Variants in CATSPER3 observed in about 807,000 individuals in gnomAD.
The protein encoded by CATSPER3 is cation channel sperm-associated protein 3.
In CATSPER3, 23 loss-of-function variants were observed where a neutral mutation model predicts 36.6. The observed-to-expected ratio is 0.63, with a 90% confidence interval of 0.45 to 0.89. The LOEUF (loss-of-function observed/expected upper bound fraction) is 0.89, where lower values mean the gene tolerates loss of function less well. CATSPER3 is among the 40% of genes least tolerant of loss of function. The pLI is 0.00. For missense variants in CATSPER3, 474 were observed against 503.9 expected (o/e 0.94, Z 0.57); for synonymous variants, 172 against 184.1 (o/e 0.93, Z 0.53).
intron 3 of CATSPER3, among the ~76,000 whole-genome samples, chr5:135,005,782 A>G (rs1030658539): frequency 6.9e-6 from 1 of 144,824 alleles, no homozygotes; most frequent in Non-Finnish European, 1.5e-5. Context: ...TCAGCATTTC[A>G]GCCGGAAGCA....
intron 1 of CATSPER3, chr5:134,968,463 G>A: frequency 3.4e-6 from 1 of 291,330 alleles, no homozygotes; most frequent in Non-Finnish European, 6.6e-6. Context: ...GAGAGGCTGG[G>A]GCGGATCACT....
chr5:134,987,810 G>A (rs1046005053), intron 2 of CATSPER3, among the ~76,000 whole-genome samples: 1 of 152,098 alleles, frequency 6.6e-6, no homozygotes, highest in African/African-American at 2.4e-5. Context: ...ACTTGATAAA[G>A]GGCATTTATG....
At chr5:135,010,612 G>T in intron 7 of CATSPER3, 82 bp downstream of exon 7, 2 of 1,295,620 alleles carry the variant, frequency 1.5e-6, no homozygotes, top group East Asian at 2.3e-5. Context: ...AGAGTGAAGG[G>T]GGTGATGACT....
At chr5:134,981,192 T>G (rs1391944479) in intron 2 of CATSPER3, among the ~76,000 whole-genome samples, 1 of 152,020 alleles carries the variant, frequency 6.6e-6, no homozygotes, top group Non-Finnish European at 1.5e-5. Context: ...CTTGAGACAT[T>G]TAAGAAAATC....
At chr5:134,988,514 C>A (rs925458970) in intron 2 of CATSPER3, among the ~76,000 whole-genome samples, 2 of 152,206 alleles carry the variant, frequency 1.3e-5, no homozygotes, top group Admixed American at 6.5e-5. Context: ...TAAATCCTTT[C>A]TTGTCATTTC....
intron 3 of CATSPER3, among the ~76,000 whole-genome samples, chr5:135,004,077 A>G (rs944456958): frequency 6.6e-6 from 1 of 152,190 alleles, no homozygotes; most frequent in African/African-American, 2.4e-5. Flanking sequence ...AGTTGTTCTT[A>G]TTCAGCCATC....
chr5:134,996,166 T>G, intron 2 of CATSPER3, 107 bp from the exon 3 acceptor site: 1 of 1,392,390 alleles, frequency 7.2e-7, no homozygotes, highest in Non-Finnish European at 1.0e-6. Flanking sequence ...TTCTCTCTCA[T>G]GTGGGTGACT....
Position 134,967,984 on chromosome 5 carries a change from T to C in CATSPER3, c.-8T>C, listed in dbSNP as rs369314377. 23 of 1,610,736 alleles carry C rather than the reference T, an allele frequency of 1.4e-5. No individual in the cohort carries two copies. The African/African-American group carries it at 2.9e-4, about 21-fold the overall frequency. On this transcript the variant is annotated 5_prime_UTR_variant, in exon 1 of 8. Coordinates refer to ENST00000282611, the MANE Select transcript of CATSPER3 (RefSeq NM_178019.3). ...AAAAGCAAGGAATAAAAGTTGAAAA[T>C]TTGGAAAATGTCTCAACACCGTCAC...
intron 2 of CATSPER3, among the ~76,000 whole-genome samples, chr5:134,987,062 G>T (rs1258918119): frequency 6.6e-6 from 1 of 152,068 alleles, no homozygotes; most frequent in Non-Finnish European, 1.5e-5. Context: ...TAGAGAAAAT[G>T]AACAAAATCA....
At chr5:134,968,158 T>C in intron 1 of CATSPER3, 69 bp downstream of exon 1, 1 of 1,090,886 alleles carries the variant, frequency 9.2e-7, no homozygotes, top group Non-Finnish European at 1.4e-6. Context: ...AGGGTGTCAG[T>C]GTTCTCTCAG....
intron 1 of CATSPER3, 96 bp from the exon 2 acceptor site, chr5:134,969,843 A>T: frequency 8.0e-7 from 1 of 1,243,602 alleles, no homozygotes; most frequent in South Asian, 1.2e-5. Flanking sequence ...CACACAAGGG[A>T]GAAAGCAGAG....
At chr5:135,007,815 C>A in intron 3 of CATSPER3, 142 bp from the exon 4 acceptor site, 2 of 282,994 alleles carry the variant, frequency 7.1e-6, no homozygotes, top group Non-Finnish European at 7.3e-6. Flanking sequence ...CCCACCCACC[C>A]ACCCTTATTG....
intron 3 of CATSPER3, among the ~76,000 whole-genome samples, chr5:134,997,731 G>T (rs1751967809): frequency 6.6e-6 from 1 of 152,010 alleles, no homozygotes; most frequent in Admixed American, 6.6e-5. Context: ...CATTCTCTCT[G>T]GGTGATCTTT....
intron 3 of CATSPER3, among the ~76,000 whole-genome samples, chr5:134,997,977 G>A (rs553611073): frequency 6.6e-6 from 1 of 152,034 alleles, no homozygotes; most frequent in Non-Finnish European, 1.5e-5. Context: ...CAACGTGCAG[G>A]TTTGTTACAT....
Position 135,008,134 on chromosome 5 carries a change from G to C in CATSPER3, c.670G>C (p.Ala224Pro). The C allele has an allele frequency of 6.2e-7, 1 of 1,613,790 alleles. No individual in the cohort carries two copies. The highest frequency in any genetic ancestry group is 8.5e-7 in the Non-Finnish European group (1 of 1,179,822). ...AAAFFTLFSL[A>P]TVDGWTDLQK... ...AGCTTTTTTCACCCTCTTCAGCTTG[G>C]CCACGGTACTGTGTTTGGGAACAGT... is the stretch of plus-strand genomic sequence containing the variant. The change falls in exon 4 of 8, where the codon GCC (alanine) becomes CCC (proline). Residue 224 changes from alanine (A) to proline (P), a missense_variant. Ala to Pro is a conservative substitution (Grantham distance 27, BLOSUM62 -1). Coordinates refer to ENST00000282611, the MANE Select transcript of CATSPER3 (RefSeq NM_178019.3).
intron 7 of CATSPER3, 66 bp from the exon 8 acceptor site, chr5:135,011,454 TG>T: frequency 8.6e-7 from 1 of 1,160,406 alleles, no homozygotes; most frequent in Non-Finnish European, 1.3e-6. Flanking sequence ...GTGTGGTCAG[TG>T]GGGCCAGGGG....
intron 2 of CATSPER3, among the ~76,000 whole-genome samples, chr5:134,974,572 T>A (rs576322261): frequency 3.9e-5 from 6 of 152,192 alleles, no homozygotes; most frequent in Non-Finnish European, 7.3e-5. Context: ...ACTATATATT[T>A]GTTCATGTGG....
intron 6 of CATSPER3, 109 bp from the exon 7 acceptor site, chr5:135,010,264 A>G (rs1484627130): frequency 7.3e-6 from 7 of 956,516 alleles, no homozygotes; most frequent in Non-Finnish European, 1.0e-5. Context: ...TCCTTCCAGG[A>G]CCAGGGTCAG....
chr5:134,972,545 TAA>T (rs1751619831), intron 2 of CATSPER3, among the ~76,000 whole-genome samples: 2 of 152,096 alleles, frequency 1.3e-5, no homozygotes, highest in South Asian at 4.1e-4. Flanking sequence ...GATAATAGCT[TAA>T]GAGAAGTATA....
Sources: allele counts gnomAD v4.1 joint callset (sites outside exome capture counted in the v4.1 genomes callset), GRCh38; gene constraint gnomAD v4.1.1; transcripts MANE v1.5; gene names NCBI Gene and HGNC (gene_info 2026-07-23, HGNC 2026-07-21).